Variants in SLC24A3 observed in about 807,000 individuals in gnomAD.
The protein encoded by SLC24A3 is solute carrier family 24 member 3.
In SLC24A3, 28 loss-of-function variants were observed where a neutral mutation model predicts 75.8. The ratio of observed to expected loss-of-function variants is 0.37; its 90% CI spans 0.27 to 0.51. The LOEUF is 0.51. SLC24A3 is among the 20% of genes least tolerant of loss of function. The pLI is 0.94. For missense variants in SLC24A3, 663 were observed against 847.8 expected, an observed-to-expected ratio of 0.78 and a Z score of 2.71; for synonymous variants, 372 against 334.1, an observed-to-expected ratio of 1.11 and a Z score of -1.24.
chr20:19,226,746 A>G (rs930865203), intron 1 of SLC24A3, among the ~76,000 whole-genome samples: 6 of 152,180 alleles, frequency 3.9e-5, no homozygotes, highest in African/African-American at 1.4e-4. Flanking sequence ...AATAAGACAA[A>G]CAGTTTAAAT....
At chr20:19,584,247 G>A (rs2122636505) in intron 4 of SLC24A3, among the ~76,000 whole-genome samples, 1 of 152,300 alleles carries the variant, frequency 6.6e-6, no homozygotes, top group South Asian at 2.1e-4. Flanking sequence ...CGTCTTGGCA[G>A]GGCTGATGCC....
chr20:19,598,422 C>A (rs2031478473), intron 6 of SLC24A3, among the ~76,000 whole-genome samples: 1 of 152,144 alleles, frequency 6.6e-6, no homozygotes, highest in African/African-American at 2.4e-5. Context: ...GATTGTGTTG[C>A]AGTTGGCTGG....
intron 1 of SLC24A3, among the ~76,000 whole-genome samples, chr20:19,231,368 G>A (rs6045925): frequency 0.092 from 14,078 of 152,198 alleles, 1,127 homozygotes; most frequent in African/African-American, 0.22. Flanking sequence ...TGGAATTCAG[G>A]TTGCAAGTTA....
chr20:19,606,618 G>A (rs922678994), intron 6 of SLC24A3, among the ~76,000 whole-genome samples: 5 of 152,116 alleles, frequency 3.3e-5, no homozygotes, highest in Admixed American at 2.0e-4. Flanking sequence ...AATATAAATA[G>A]GAAGCATTTG....
intron 3 of SLC24A3, among the ~76,000 whole-genome samples, chr20:19,573,136 G>T (rs894618008): frequency 6.6e-6 from 1 of 152,164 alleles, no homozygotes; most frequent in Admixed American, 6.5e-5. Flanking sequence ...AAAAGAAATT[G>T]TCTGTGAAAA....
chr20:19,320,575 A>G (rs1175514215), intron 2 of SLC24A3, among the ~76,000 whole-genome samples: 1 of 152,002 alleles, frequency 6.6e-6, no homozygotes, highest in African/African-American at 2.4e-5. Flanking sequence ...TGCATTATGG[A>G]CACACACATG....
chr20:19,450,818 G>GT (rs1417701904), intron 2 of SLC24A3, among the ~76,000 whole-genome samples: 1 of 152,060 alleles, frequency 6.6e-6, no homozygotes, highest in Non-Finnish European at 1.5e-5. Context: ...GGCCAACATG[G>GT]TGAAACCCCA....
intron 2 of SLC24A3, among the ~76,000 whole-genome samples, chr20:19,411,809 T>C (rs1986748229): frequency 6.6e-6 from 1 of 152,186 alleles, no homozygotes; most frequent in Non-Finnish European, 1.5e-5. Context: ...CATTATAACT[T>C]TGGGCATGAG....
chr20:19,608,235 G>A (rs371910011), intron 6 of SLC24A3, among the ~76,000 whole-genome samples: 28 of 152,292 alleles, frequency 1.8e-4, no homozygotes, highest in African/African-American at 5.3e-4. Flanking sequence ...AAACTTGTTC[G>A]TCTGAATTGA....
chr20:19,531,612 A>G (rs1299862866), intron 3 of SLC24A3, among the ~76,000 whole-genome samples: 1 of 152,260 alleles, frequency 6.6e-6, no homozygotes, highest in Admixed American at 6.5e-5. Context: ...AACTGTTTGT[A>G]TTGTGGTTAG....
intron 1 of SLC24A3, among the ~76,000 whole-genome samples, chr20:19,238,282 C>T (rs1230135333): frequency 6.6e-6 from 1 of 152,196 alleles, no homozygotes; most frequent in Non-Finnish European, 1.5e-5. Context: ...GAATGTTATG[C>T]TTGTGAGATT....
Position 19,336,604 on chromosome 20 carries a change from T to G in SLC24A3, c.271+55517T>G, listed in dbSNP as rs375658534. Among the ~76,000 whole-genome samples the G allele has an allele frequency of 2.6e-5, 4 of 151,888 alleles. No individual in the cohort carries two copies. The South Asian group carries it at 8.3e-4, about 31-fold the overall frequency. ...TTTCACCATGTTGGCCAGACTGGTC[T>G]TGAACTCCTGGCCTCAATCTGCCCC... is the stretch of plus-strand genomic sequence containing the variant. On this transcript the variant is annotated intron_variant, in intron 2 of 16. Coordinates refer to ENST00000328041, the MANE Select transcript of SLC24A3 (RefSeq NM_020689.4).
At chr20:19,350,851 C>T (rs1304881455) in intron 2 of SLC24A3, among the ~76,000 whole-genome samples, 1 of 152,204 alleles carries the variant, frequency 6.6e-6, no homozygotes, top group East Asian at 1.9e-4. Context: ...TCTCATCCAT[C>T]TTGGAGAACT....
chr20:19,495,680 A>G lies in SLC24A3; in HGVS notation c.272-19808A>G, dbSNP rs530075526. Among the ~76,000 whole-genome samples the G allele has an allele frequency of 4.6e-5, 7 of 152,364 alleles. No individual in the cohort carries two copies. The South Asian group carries it at 1.4e-3, about 32-fold the overall frequency. The stretch of plus-strand genomic sequence containing the variant: ...AGACTTGACTCCCTCGGCTGTGCCC[A>G]ATCTTGCCCTGACCATTCACTTCAC... On this transcript the variant is annotated intron_variant, in intron 2 of 16. Transcript: ENST00000328041.
chr20:19,635,439 T>C (rs1377462441), intron 6 of SLC24A3, among the ~76,000 whole-genome samples: 1 of 152,110 alleles, frequency 6.6e-6, no homozygotes, highest in Non-Finnish European at 1.5e-5. Flanking sequence ...GTAATCAGGG[T>C]AATTAATTAA....
At chr20:19,255,690 A>C (rs919751494) in intron 1 of SLC24A3, among the ~76,000 whole-genome samples, 2 of 152,248 alleles carry the variant, frequency 1.3e-5, no homozygotes, top group Non-Finnish European at 2.9e-5. Context: ...CATGAGCCAC[A>C]CATGGCAACC....
chr20:19,300,872 G>A (rs1339080703), intron 2 of SLC24A3, among the ~76,000 whole-genome samples: 3 of 152,110 alleles, frequency 2.0e-5, no homozygotes, highest in Admixed American at 6.5e-5. Context: ...GTCTGGCTGC[G>A]AGAAGTGGGG....
At chr20:19,358,207 GC>G (rs1160731364) in intron 2 of SLC24A3, among the ~76,000 whole-genome samples, 2 of 152,192 alleles carry the variant, frequency 1.3e-5, no homozygotes, top group Non-Finnish European at 2.9e-5. Flanking sequence ...GACCTGGGGT[GC>G]CTTTGGGCTG....
chr20:19,658,707 C>T, intron 7 of SLC24A3, among the ~76,000 whole-genome samples: 1 of 152,126 alleles, frequency 6.6e-6, no homozygotes, highest in South Asian at 2.1e-4. Context: ...AGAAGGCTCC[C>T]CCAATGCCTT....
Sources: allele counts gnomAD v4.1 joint callset (sites outside exome capture counted in the v4.1 genomes callset), GRCh38; gene constraint gnomAD v4.1.1; transcripts MANE v1.5; gene names NCBI Gene and HGNC (gene_info 2026-07-23, HGNC 2026-07-21).